SLC24A2: variants seen among roughly 807,000 people sequenced by gnomAD.
SLC24A2 encodes the protein sodium/potassium/calcium exchanger 2.
SLC24A2 carries 36 observed loss-of-function variants against 62.0 expected under a neutral mutation model. The ratio of observed to expected loss-of-function variants is 0.58; its 90% CI spans 0.44 to 0.77. SLC24A2 has a LOEUF of 0.77. Among genes scored for constraint, SLC24A2 ranks in the 30% least tolerant of loss-of-function variants. SLC24A2 has a pLI of 0.00. For synonymous variants in SLC24A2, 358 were observed against 294.0 expected (o/e 1.22, Z -2.23); for missense variants, 846 against 817.9 (o/e 1.03, Z -0.42).
the SLC24A2 span, among the ~76,000 whole-genome samples, chr9:19,850,982 TATGTATATATATATATATACAC>T: frequency 0.094 from 3,901 of 41,362 alleles, 456 homozygotes; most frequent in Non-Finnish European, 0.14. Flanking sequence ...TATATATATA[TATGTATATATATATATATACAC>T]ATACATATAT....
At chr9:20,114,622 T>C in the SLC24A2 span, among the ~76,000 whole-genome samples, 1 of 152,238 alleles carries the variant, frequency 6.6e-6, no homozygotes, top group South Asian at 2.1e-4. Context: ...GGCCCAATAA[T>C]GTTAATTAAT....
chr9:19,990,922 G>GATATATATATGTGT, the SLC24A2 span, among the ~76,000 whole-genome samples: 8 of 120,812 alleles, frequency 6.6e-5, no homozygotes, highest in Non-Finnish European at 1.1e-4. Flanking sequence ...GGACTAATAG[G>GATATATATATGTGT]ATATATATAT....
intron 4 of SLC24A2, among the ~76,000 whole-genome samples, chr9:19,609,656 G>C (rs974008430): frequency 1.3e-5 from 2 of 152,048 alleles, no homozygotes; most frequent in Non-Finnish European, 2.9e-5. Context: ...GTATTTTATG[G>C]TTTTGTTGCA....
the SLC24A2 span, among the ~76,000 whole-genome samples, chr9:20,206,559 G>A: frequency 6.6e-6 from 1 of 151,938 alleles, no homozygotes; most frequent in African/African-American, 2.4e-5. Flanking sequence ...GCACAATCTC[G>A]GCTCACTGCA....
At chr9:20,026,542 A>G in the SLC24A2 span, among the ~76,000 whole-genome samples, 2 of 152,226 alleles carry the variant, frequency 1.3e-5, no homozygotes, top group African/African-American at 4.8e-5. Context: ...ATCATTAAAA[A>G]TAAACAGGCC....
chr9:19,720,729 A>T (rs1199142788), intron 2 of SLC24A2, among the ~76,000 whole-genome samples: 1 of 138,478 alleles, frequency 7.2e-6, no homozygotes, highest in African/African-American at 2.6e-5. Context: ...GTGGCTCAAG[A>T]GGATTCAATG....
chr9:19,736,898 T>C (rs1215175440), intron 2 of SLC24A2, among the ~76,000 whole-genome samples: 1 of 152,134 alleles, frequency 6.6e-6, no homozygotes, highest in Non-Finnish European at 1.5e-5. Flanking sequence ...ATCATGATGA[T>C]GTAATAATTC....
the SLC24A2 span, among the ~76,000 whole-genome samples, chr9:20,112,087 T>C: frequency 2.6e-5 from 4 of 152,220 alleles, no homozygotes; most frequent in East Asian, 1.9e-4. Context: ...CTTTGTCATA[T>C]TGCATAAAAT....
the SLC24A2 span, among the ~76,000 whole-genome samples, chr9:20,269,308 C>A: frequency 6.6e-6 from 1 of 152,126 alleles, no homozygotes; most frequent in African/African-American, 2.4e-5. Context: ...AAAGGAGACG[C>A]ATCCATGATG....
intron 2 of SLC24A2, among the ~76,000 whole-genome samples, chr9:19,700,669 T>C (rs1457235120): frequency 6.6e-6 from 1 of 152,192 alleles, no homozygotes; most frequent in Non-Finnish European, 1.5e-5. Flanking sequence ...CTTGCTTTGG[T>C]AGGCTGAAAT....
intron 2 of SLC24A2, among the ~76,000 whole-genome samples, chr9:19,680,083 C>T (rs372919709): frequency 1.2e-4 from 19 of 152,186 alleles, no homozygotes; most frequent in African/African-American, 3.9e-4. Context: ...TTACTGTGTG[C>T]CAGACAATAT....
At chr9:19,755,312 T>G (rs1822107944) in intron 2 of SLC24A2, among the ~76,000 whole-genome samples, 1 of 152,172 alleles carries the variant, frequency 6.6e-6, no homozygotes, top group Non-Finnish European at 1.5e-5. Flanking sequence ...CTCTGTACAC[T>G]TCTATTATTG....
chr9:20,026,165 A>G, the SLC24A2 span, among the ~76,000 whole-genome samples: 49 of 152,182 alleles, frequency 3.2e-4, no homozygotes, highest in Non-Finnish European at 5.6e-4. Flanking sequence ...TAAAAATGCA[A>G]CTGTCTACAG....
intron 2 of SLC24A2, among the ~76,000 whole-genome samples, chr9:19,690,953 G>A (rs1272268044): frequency 2.0e-5 from 3 of 151,520 alleles, no homozygotes; most frequent in African/African-American, 7.3e-5. Flanking sequence ...GAGAGACAGA[G>A]AGAGAATGTG....
At chr9:19,748,298 C>T (rs1821890589) in intron 2 of SLC24A2, among the ~76,000 whole-genome samples, 1 of 152,158 alleles carries the variant, frequency 6.6e-6, no homozygotes, top group African/African-American at 2.4e-5. Flanking sequence ...ATTCCCATTG[C>T]ACTCATGCAA....
the SLC24A2 span, among the ~76,000 whole-genome samples, chr9:19,912,275 G>A: frequency 4.6e-5 from 7 of 152,136 alleles, no homozygotes; most frequent in Non-Finnish European, 7.4e-5. Context: ...CAGATACTGA[G>A]CCTATTAAAA....
the SLC24A2 span, among the ~76,000 whole-genome samples, chr9:20,271,232 A>C: frequency 6.6e-6 from 1 of 152,150 alleles, no homozygotes; most frequent in Non-Finnish European, 1.5e-5. Context: ...TGCTGGCTGG[A>C]TGTGCTGCTT....
At chr9:19,687,051 T>A (rs991054423) in intron 2 of SLC24A2, among the ~76,000 whole-genome samples, 2 of 152,062 alleles carry the variant, frequency 1.3e-5, no homozygotes, top group Non-Finnish European at 2.9e-5. Flanking sequence ...TACCACATGT[T>A]CTCACTTATA....
the SLC24A2 span, among the ~76,000 whole-genome samples, chr9:20,049,406 T>A: frequency 1.3e-5 from 2 of 152,090 alleles, no homozygotes; most frequent in African/African-American, 4.8e-5. Context: ...AACTAAATAG[T>A]TTACTAAATA....
Sources: gnomAD v4.1 joint callset for allele counts (sites outside exome capture counted in the v4.1 genomes callset) on GRCh38, gnomAD v4.1.1 for gene constraint, MANE v1.5 for transcripts, NCBI Gene and HGNC (gene_info 2026-07-23, HGNC 2026-07-21) for gene names.